Variants in PARD3B observed in about 807,000 individuals in gnomAD.
PARD3B encodes par-3 family cell polarity regulator beta.
Under a neutral mutation model 130.2 loss-of-function variants are expected in PARD3B, and 103 were observed. The observed-to-expected ratio is 0.79, with a 90% confidence interval of 0.67 to 0.93. The LOEUF (loss-of-function observed/expected upper bound fraction) is 0.93, where lower values mean the gene tolerates loss of function less well. Among genes scored for constraint, PARD3B ranks in the 40% least tolerant of loss-of-function variants. PARD3B has a pLI of 0.00. For missense variants in PARD3B, 1,609 were observed against 1,499.2 expected (o/e 1.07, Z -1.21); for synonymous variants, 583 against 553.2 (o/e 1.05, Z -0.76).
At chr2:205,278,710 A>T (rs1328406777) in intron 16 of PARD3B, among the ~76,000 whole-genome samples, 1 of 152,086 alleles carries the variant, frequency 6.6e-6, no homozygotes. Flanking sequence ...TGCCTACTTA[A>T]CTCCTTATGA....
chr2:204,922,894 G>C lies in PARD3B; in HGVS notation c.223-42258G>C, dbSNP rs10209759. 6.4e-3 allele frequency among the ~76,000 whole-genome samples: 970 copies of C among 152,140 alleles called. 13 individuals carry two copies. The highest frequency in any genetic ancestry group is 0.022 in the African/African-American group (924 of 41,526). On this transcript the variant is annotated intron_variant, in intron 2 of 22. Transcript: ENST00000406610. ...ATTTGGGTATCACACAGGCAGCATT[G>C]ACTGAGTTCATAAACGATATAACAT...
chr2:204,712,116 T>C (rs1232466910), intron 2 of PARD3B, among the ~76,000 whole-genome samples: 1 of 152,224 alleles, frequency 6.6e-6, no homozygotes, highest in Non-Finnish European at 1.5e-5. Flanking sequence ...ACAGAGGGCA[T>C]TTATATCATA....
At chr2:205,175,415 C>T (rs1478555618) in intron 12 of PARD3B, among the ~76,000 whole-genome samples, 1 of 152,218 alleles carries the variant, frequency 6.6e-6, no homozygotes, top group Non-Finnish European at 1.5e-5. Context: ...AAAGGACCTT[C>T]AGCAGCTGAA....
chr2:205,068,842 A>G (rs1167086689), intron 4 of PARD3B, among the ~76,000 whole-genome samples: 1 of 152,084 alleles, frequency 6.6e-6, no homozygotes, highest in Non-Finnish European at 1.5e-5. Flanking sequence ...CTCTGTACCC[A>G]TTGCTAATTT....
At chr2:205,385,459 C>T (rs1189363117) in intron 18 of PARD3B, among the ~76,000 whole-genome samples, 2 of 152,090 alleles carry the variant, frequency 1.3e-5, no homozygotes, top group Admixed American at 6.6e-5. Flanking sequence ...GGACATGTTC[C>T]AGCTTCGTTA....
chr2:205,084,976 C>T (rs554706760), intron 4 of PARD3B, among the ~76,000 whole-genome samples: 2 of 151,726 alleles, frequency 1.3e-5, no homozygotes, highest in Non-Finnish European at 2.9e-5. Context: ...AAGATTATAC[C>T]GAAGTTTCTA....
At chr2:205,240,431 A>G (rs762290366) in intron 15 of PARD3B, among the ~76,000 whole-genome samples, 2 of 152,164 alleles carry the variant, frequency 1.3e-5, no homozygotes, top group Non-Finnish European at 2.9e-5. Flanking sequence ...TTTCAAAGAT[A>G]TGGAAATCAA....
At chr2:204,930,385 A>G (rs1391128405) in intron 2 of PARD3B, among the ~76,000 whole-genome samples, 1 of 152,082 alleles carries the variant, frequency 6.6e-6, no homozygotes, top group Non-Finnish European at 1.5e-5. Context: ...GTTACTCATA[A>G]TACCTAATAC....
At chr2:204,892,977 A>G (rs1575231667) in intron 2 of PARD3B, among the ~76,000 whole-genome samples, 1 of 152,220 alleles carries the variant, frequency 6.6e-6, no homozygotes, top group Admixed American at 6.6e-5. Context: ...GGAGAAATAA[A>G]TGTGGGTGTC....
Position 205,158,927 on chromosome 2 carries a change from G to T in PARD3B, c.1620+20G>T, listed in dbSNP as rs1465251909. ...TTTAAGGTGGGTAGGAATGACATTT[G>T]TACATCCTTTGAGAAGGCACTTGGA... On this transcript the variant is annotated intron_variant, in intron 11 of 22. Transcript: ENST00000406610. The surrounding 1 kb of genome is among the most constrained non-coding windows in gnomAD (Gnocchi z 5.4). 1.2e-6 allele frequency: 2 copies of T among 1,611,658 alleles called. No individual in the cohort carries two copies. Among genetic ancestry groups the T allele is most frequent in the Admixed American group, 3.3e-5 (2 of 59,914 alleles).
chr2:204,928,312 A>G (rs1490421913), intron 2 of PARD3B, among the ~76,000 whole-genome samples: 3 of 152,230 alleles, frequency 2.0e-5, no homozygotes, highest in Non-Finnish European at 4.4e-5. Context: ...TCGGTTTAGA[A>G]TGGCACAATA....
At chr2:204,635,020 G>A (rs2034821449) in intron 1 of PARD3B, among the ~76,000 whole-genome samples, 1 of 152,102 alleles carries the variant, frequency 6.6e-6, no homozygotes. Flanking sequence ...TGATTTCCCA[G>A]AATCCTCAGA....
chr2:205,300,466 ACAATAG>A lies in PARD3B; in HGVS notation c.2186-61_2186-56del. On this transcript the variant is annotated intron_variant, in intron 16 of 22. Transcript: ENST00000406610. The surrounding 1 kb of genome is among the most constrained non-coding windows in gnomAD (Gnocchi z 4.1). ...ATGTCCAGACAGAAATATTCTTAGA[ACAATAG>A]CATTACACCACACTGCCCCATTAGA... 7.0e-7 allele frequency: 1 copy of A among 1,420,292 alleles called. No homozygotes were observed. Among genetic ancestry groups the A allele is most frequent in the South Asian group, 1.2e-5 (1 of 85,278 alleles). The allele number at this position is 1,420,292 out of a possible 1,614,324, so 88.0% of individuals were successfully genotyped here.
At chr2:205,447,353 A>C (rs2047940983) in intron 20 of PARD3B, among the ~76,000 whole-genome samples, 1 of 152,164 alleles carries the variant, frequency 6.6e-6, no homozygotes, top group Non-Finnish European at 1.5e-5. Flanking sequence ...TATTTTTGGA[A>C]TAATGAATGA....
intron 22 of PARD3B, among the ~76,000 whole-genome samples, chr2:205,556,304 T>A (rs186344979): frequency 6.6e-6 from 1 of 152,320 alleles, no homozygotes; most frequent in Admixed American, 6.5e-5. Flanking sequence ...CACAGTAGTT[T>A]TTAGGAACAA....
intron 2 of PARD3B, among the ~76,000 whole-genome samples, chr2:204,805,238 A>G (rs2042723691): frequency 6.6e-6 from 1 of 152,124 alleles, no homozygotes; most frequent in African/African-American, 2.4e-5. Context: ...AGACATTACA[A>G]CTGATACTGC....
chr2:204,998,345 T>C (rs1694451287), intron 3 of PARD3B, among the ~76,000 whole-genome samples: 1 of 79,086 alleles, frequency 1.3e-5, no homozygotes, highest in African/African-American at 6.0e-5. Flanking sequence ...TATATATATA[T>C]ATATATATAT....
At chr2:204,563,594 A>G (rs1207214416) in intron 1 of PARD3B, among the ~76,000 whole-genome samples, 1 of 152,172 alleles carries the variant, frequency 6.6e-6, no homozygotes, top group Admixed American at 6.5e-5. Flanking sequence ...TAGTCCACAT[A>G]TAATAATCAT....
rs2125576123 is a variant in PARD3B, at chr2:205,104,528, A to G, written c.593+14A>G. 7.0e-7 allele frequency: 1 copy of G among 1,422,196 alleles called. No homozygotes were observed. Among genetic ancestry groups the G allele is most frequent in the Non-Finnish European group, 9.9e-7 (1 of 1,007,888 alleles). The allele number at this position is 1,422,196 out of a possible 1,614,324, so 88.1% of individuals were successfully genotyped here. On this transcript the variant is annotated intron_variant, in intron 5 of 22. Transcript: ENST00000406610. ...GGACACATTGAGGTATTCTCTTTAT[A>G]CAGATAAGAATATCTGATTTATTTC...
Sources: gnomAD v4.1 joint callset for allele counts (sites outside exome capture counted in the v4.1 genomes callset) on GRCh38, gnomAD v4.1.1 for gene constraint, Gnocchi (gnomAD v3.1) non-coding constraint, MANE v1.5 for transcripts, NCBI Gene and HGNC (gene_info 2026-07-23, HGNC 2026-07-21) for gene names.